ZNF626: variants seen among roughly 807,000 people sequenced by gnomAD.
ZNF626 encodes CTC-513N18.7.
In ZNF626, 4 loss-of-function variants were observed where a neutral mutation model predicts 11.7. That is an observed-to-expected ratio of 0.34 (90% CI 0.17 to 0.78). The LOEUF (loss-of-function observed/expected upper bound fraction) is 0.78. Ranked by LOEUF, ZNF626 falls within the 30% of genes least tolerant of loss-of-function variation. The pLI, the probability that ZNF626 is intolerant of heterozygous loss-of-function variation, is 0.57. For synonymous variants in ZNF626, 179 were observed against 198.6 expected, an observed-to-expected ratio of 0.90 and a Z score of 0.83; for missense variants, 588 against 587.1, an observed-to-expected ratio of 1.00 and a Z score of -0.01.
rs1186537105 is a variant in ZNF626 at position 20,620,347 on chromosome 19, TGC to T, written c.*3941_*3942del. On this transcript the variant is annotated 3_prime_UTR_variant, in exon 4 of 4. Coordinates refer to ENST00000601440, the MANE Select transcript of ZNF626 (RefSeq NM_001076675.3). ...TAAAAACTTATTTTGTTCCAATAAT[TGC>T]GTTTTCTTCTGAAAATATGTACAAA... The T allele has an allele frequency of 1.4e-4, 22 of 152,296 alleles. No individual in the cohort carries two copies. Among genetic ancestry groups the T allele is most frequent in the African/African-American group, 4.8e-4 (20 of 41,554 alleles). 9.4% of individuals were successfully genotyped at this position (152,296 alleles called of 1,614,324 possible).
intron 3 of ZNF626, among the ~76,000 whole-genome samples, chr19:20,629,141 T>C (rs149468195): frequency 0.017 from 2,638 of 152,296 alleles, 87 homozygotes; most frequent in African/African-American, 0.062. Context: ...CATTGGTCTA[T>C]ATCTCTGGTT....
intron 3 of ZNF626, among the ~76,000 whole-genome samples, chr19:20,639,823 C>T (rs1970004334): frequency 6.6e-6 from 1 of 152,176 alleles, no homozygotes; most frequent in Non-Finnish European, 1.5e-5. Flanking sequence ...GAATTAAAAG[C>T]AAAAGTCAAA....
chr19:20,659,291 G>A (rs1054562715), intron 1 of ZNF626, among the ~76,000 whole-genome samples: 1 of 151,908 alleles, frequency 6.6e-6, no homozygotes, highest in Admixed American at 6.6e-5. Context: ...CCAGGCTGGA[G>A]TGCCTTGGCA....
intron 3 of ZNF626, among the ~76,000 whole-genome samples, chr19:20,625,982 A>ACTGG (rs1969826921): frequency 6.6e-6 from 1 of 152,196 alleles, no homozygotes; most frequent in African/African-American, 2.4e-5. Context: ...TAAATTGTTG[A>ACTGG]CTGGCTGGGG....
chr19:20,636,234 C>A (rs1555770877), intron 3 of ZNF626, among the ~76,000 whole-genome samples: 1 of 152,088 alleles, frequency 6.6e-6, no homozygotes, highest in African/African-American at 2.4e-5. Flanking sequence ...TTTATACAGG[C>A]AAAGAAACAC....
rs185473831 is a variant in ZNF626, at chr19:20,642,768, C to T, written c.226+2916G>A. On this transcript the variant is annotated intron_variant, in intron 3 of 3. Transcript: ENST00000601440. ...GCGCGGTGGCTCATGCCTGTAGTCT[C>T]GCACTTTGGGAGGCTGAGGCGGGCG... Among the ~76,000 whole-genome samples, 273 of 152,058 alleles carry T rather than the reference C, an allele frequency of 1.8e-3. 2 individuals are homozygous for T. The highest frequency in any genetic ancestry group is 6.8e-3 in the Middle Eastern group (2 of 294).
chr19:20,626,528 G>A (rs1969834830), intron 3 of ZNF626, among the ~76,000 whole-genome samples: 1 of 152,136 alleles, frequency 6.6e-6, no homozygotes, highest in Admixed American at 6.5e-5. Flanking sequence ...GACCAGCCTG[G>A]CCAACATGGT....
At chr19:20,643,188 G>A (rs1446998289) in intron 3 of ZNF626, among the ~76,000 whole-genome samples, 2 of 151,976 alleles carry the variant, frequency 1.3e-5, no homozygotes, top group African/African-American at 2.4e-5. Flanking sequence ...GCATTTAAAA[G>A]AAACTGGAGT....
At position 20,621,990 on chromosome 19, in the gene ZNF626, T is replaced by G. The variant is rs1455531236; in HGVS notation, c.*2300A>C. 4.6e-5 allele frequency: 7 copies of G among 152,228 alleles called. No individual in the cohort carries two copies. Among genetic ancestry groups the G allele is most frequent in the African/African-American group, 1.7e-4 (7 of 41,460 alleles). The allele number at this position is 152,228 out of a possible 1,614,324, so 9.4% of individuals were successfully genotyped here. On this transcript the variant is annotated 3_prime_UTR_variant, in exon 4 of 4. Coordinates refer to ENST00000601440, the MANE Select transcript of ZNF626 (RefSeq NM_001076675.3). ...TCGCTTGAGCTCAGGAGTTTGAGAC[T>G]AGCCTGACCAATATGGGGAAACCCC...
intron 3 of ZNF626, 93 bp downstream of exon 3, chr19:20,645,591 C>A (rs1970067703): frequency 6.4e-7 from 1 of 1,551,494 alleles, no homozygotes; most frequent in East Asian, 2.3e-5. Flanking sequence ...TGGAACACAG[C>A]TCCCCAAATC....
Position 20,645,756 on chromosome 19 carries a change from G to C in ZNF626, c.154C>G (p.Leu52Val). ...FLGITVSKPD[L>V]ITCLEQGRKP... The stretch of plus-strand genomic sequence containing the variant: ...CTTCCTTGCTCCAGACAGGTGATCA[G>C]GTCTGGCTTAGAAACAGTAATACCT... The change falls in exon 3 of 4, where the codon CTG becomes GTG. Residue 52 changes from leucine to valine, a missense_variant. Transcript: ENST00000601440. The C allele has an allele frequency of 6.2e-7, 1 of 1,608,090 alleles. No homozygotes were observed. The highest frequency in any genetic ancestry group is 8.5e-7 in the Non-Finnish European group (1 of 1,178,474).
chr19:20,640,548 T>G (rs2144779215), intron 3 of ZNF626, among the ~76,000 whole-genome samples: 1 of 150,740 alleles, frequency 6.6e-6, no homozygotes, highest in South Asian at 2.1e-4. Flanking sequence ...AACTAAACAA[T>G]GATGAATAAC....
chr19:20,639,427 T>C (rs1312514462), intron 3 of ZNF626, among the ~76,000 whole-genome samples: 2 of 151,740 alleles, frequency 1.3e-5, no homozygotes, highest in Non-Finnish European at 2.9e-5. Flanking sequence ...TTAGGACACA[T>C]ACCAAGTTTT....
Position 20,624,245 on chromosome 19 carries a change from C to T in ZNF626, c.*45G>A. The T allele has an allele frequency of 6.2e-7, 1 of 1,612,802 alleles. No homozygotes were observed. The highest frequency in any genetic ancestry group is 8.5e-7 in the Non-Finnish European group (1 of 1,179,446). On this transcript the variant is annotated 3_prime_UTR_variant, in exon 4 of 4. Transcript: ENST00000601440. Reference sequence around the variant, plus strand: ...GTAAGGTTAGAGAAATGCTTAAAAGCTTTGTCACATTCTTCACATTTGTAG... The same window carrying T: ...GTAAGGTTAGAGAAATGCTTAAAAGTTTTGTCACATTCTTCACATTTGTAG...
Position 20,646,729 on chromosome 19 carries a change from G to A in ZNF626, c.4-324C>T, listed in dbSNP as rs2288533. On this transcript the variant is annotated intron_variant, in intron 1 of 3. Transcript: ENST00000601440. ...AATGAGTTGTGAATATTTTTCAGATGGAAAAGACATGTTTAGTTAGAAGGC... is the reference window on the plus strand; with the variant it reads ...AATGAGTTGTGAATATTTTTCAGATAGAAAAGACATGTTTAGTTAGAAGGC... Among the ~76,000 whole-genome samples, 109 of 152,216 alleles carry A rather than the reference G, an allele frequency of 7.2e-4. 1 individual carries two copies. The East Asian group carries it at 0.019, about 26-fold the overall frequency.
intron 1 of ZNF626, among the ~76,000 whole-genome samples, chr19:20,655,403 T>C (rs2144794368): frequency 6.6e-6 from 1 of 152,340 alleles, no homozygotes; most frequent in East Asian, 1.9e-4. Flanking sequence ...TTCTGTGTGC[T>C]CTTAAAATGA....
intron 1 of ZNF626, among the ~76,000 whole-genome samples, chr19:20,647,555 C>G (rs375622875): frequency 7.0e-6 from 1 of 143,032 alleles, no homozygotes; most frequent in African/African-American, 2.6e-5. Flanking sequence ...GGCGCAGTCT[C>G]GGCTCACTGC....
At chr19:20,651,474 CCTT>C (rs1244317708) in intron 1 of ZNF626, among the ~76,000 whole-genome samples, 2 of 151,968 alleles carry the variant, frequency 1.3e-5, no homozygotes, top group African/African-American at 2.4e-5. Flanking sequence ...CAGATCTCCT[CCTT>C]GTTTATCATC....
intron 3 of ZNF626, among the ~76,000 whole-genome samples, chr19:20,635,013 CATCAA>C (rs2144773912): frequency 1.3e-5 from 2 of 152,286 alleles, no homozygotes; most frequent in Admixed American, 1.3e-4. Context: ...AAATTTCTGT[CATCAA>C]ATCATTCAGT....
Sources: allele counts gnomAD v4.1 joint callset (sites outside exome capture counted in the v4.1 genomes callset), GRCh38; gene constraint gnomAD v4.1.1; transcripts MANE v1.5; gene names NCBI Gene and HGNC (gene_info 2026-07-23, HGNC 2026-07-21).